Variants in EFNA5 observed in about 807,000 individuals in gnomAD.
EFNA5 encodes the protein ephrin A5.
In EFNA5, 5 loss-of-function variants were observed where a neutral mutation model predicts 22.9. The observed-to-expected ratio is 0.22, with a 90% CI of 0.11 to 0.46. The LOEUF (loss-of-function observed/expected upper bound fraction) is 0.46. Ranked by LOEUF, EFNA5 falls within the 20% of genes least tolerant of loss-of-function variation. The probability of loss-of-function intolerance (pLI) is 0.99; values close to 1 mark genes in which losing one functional copy is unlikely to be tolerated. For synonymous variants in EFNA5, 113 were observed against 112.2 expected (o/e 1.01, Z -0.04); for missense variants, 237 against 293.3 (o/e 0.81, Z 1.40).
chr5:107,445,549 G>C (rs780876478), intron 1 of EFNA5, among the ~76,000 whole-genome samples: 3 of 152,076 alleles, frequency 2.0e-5, no homozygotes, highest in Non-Finnish European at 4.4e-5. Flanking sequence ...TGGAGAAATC[G>C]CAAGATGCTC....
intron 1 of EFNA5, among the ~76,000 whole-genome samples, chr5:107,505,906 GAA>G (rs1273053731): frequency 4.0e-5 from 6 of 151,774 alleles, no homozygotes; most frequent in Non-Finnish European, 7.4e-5. Context: ...TTCCATTTGA[GAA>G]AACTGAAGCC....
intron 1 of EFNA5, among the ~76,000 whole-genome samples, chr5:107,428,192 T>C (rs1748854824): frequency 6.6e-6 from 1 of 152,230 alleles, no homozygotes; most frequent in Non-Finnish European, 1.5e-5. Flanking sequence ...ATCTGCTACG[T>C]CAGAAACTTA....
At chr5:107,454,771 G>A (rs1006519653) in intron 1 of EFNA5, among the ~76,000 whole-genome samples, 9 of 152,072 alleles carry the variant, frequency 5.9e-5, no homozygotes, top group African/African-American at 2.2e-4. Flanking sequence ...GATATAGGCA[G>A]GGAGGGAATG....
chr5:107,531,431 G>C (rs1199029454), intron 1 of EFNA5, among the ~76,000 whole-genome samples: 1 of 152,168 alleles, frequency 6.6e-6, no homozygotes, highest in African/African-American at 2.4e-5. Context: ...GGACAGATGA[G>C]GAATGCCTAA....
At chr5:107,491,373 G>A (rs754264470) in intron 1 of EFNA5, among the ~76,000 whole-genome samples, 35 of 152,222 alleles carry the variant, frequency 2.3e-4, no homozygotes, top group Admixed American at 5.9e-4. Flanking sequence ...GTGCAATGGC[G>A]TGATCTCAGC....
Position 107,387,242 on chromosome 5 carries a change from T to C in EFNA5, c.558A>G (p.Glu186=), listed in dbSNP as rs1417880883. 3.1e-6 allele frequency: 5 copies of C among 1,603,688 alleles called. No homozygotes were observed. The highest frequency in any genetic ancestry group is 4.3e-6 in the Non-Finnish European group (5 of 1,173,012). Residue 186 remains glutamate (E), a synonymous_variant, in exon 4 of 5, where the codon GAA becomes GAG. Transcript: ENST00000333274. ...TTCTCTAAGCATACTAACCTGCTGGTTCTAATGAATTTTCTACTTTGTCGT... is the reference window on the plus strand; with the variant it reads ...TTCTCTAAGCATACTAACCTGCTGGCTCTAATGAATTTTCTACTTTGTCGT... The part of the protein sequence containing the change: ...DVNDKVENSL[E]PADDTVHESA...
intron 1 of EFNA5, among the ~76,000 whole-genome samples, chr5:107,545,214 T>C (rs1002742745): frequency 6.6e-6 from 1 of 152,268 alleles, no homozygotes; most frequent in African/African-American, 2.4e-5. Context: ...GTATCAGGGC[T>C]TGGCCGAAGG....
At chr5:107,533,933 C>T (rs909317890) in intron 1 of EFNA5, among the ~76,000 whole-genome samples, 1 of 152,178 alleles carries the variant, frequency 6.6e-6, no homozygotes, top group African/African-American at 2.4e-5. Context: ...CCACACTTTA[C>T]CTTGGCTTTT....
intron 1 of EFNA5, among the ~76,000 whole-genome samples, chr5:107,552,577 T>G (rs1200716068): frequency 6.6e-6 from 1 of 152,236 alleles, no homozygotes; most frequent in Non-Finnish European, 1.5e-5. Context: ...TGGTGTCTAC[T>G]TAGAGCAGGG....
At chr5:107,633,744 A>G (rs1048067683) in intron 1 of EFNA5, among the ~76,000 whole-genome samples, 10 of 152,338 alleles carry the variant, frequency 6.6e-5, no homozygotes, top group South Asian at 2.1e-4. Context: ...ACATTCACCC[A>G]TGAACCTCCT....
intron 1 of EFNA5, among the ~76,000 whole-genome samples, chr5:107,432,093 G>C (rs977024957): frequency 2.0e-5 from 3 of 152,146 alleles, no homozygotes; most frequent in African/African-American, 7.2e-5. Context: ...TTGCAACAAG[G>C]TGTCCCAGCC....
chr5:107,405,483 G>A (rs565637705), intron 2 of EFNA5, among the ~76,000 whole-genome samples: 1 of 152,228 alleles, frequency 6.6e-6, no homozygotes, highest in Non-Finnish European at 1.5e-5. Flanking sequence ...AGGTGACTTT[G>A]TATCTATTTT....
chr5:107,475,731 G>T (rs1177385844), intron 1 of EFNA5, among the ~76,000 whole-genome samples: 1 of 151,774 alleles, frequency 6.6e-6, no homozygotes, highest in Admixed American at 6.6e-5. Context: ...TTTGTCTAGG[G>T]TATCCACAAT....
At chr5:107,605,228 A>G (rs1749689364) in intron 1 of EFNA5, among the ~76,000 whole-genome samples, 1 of 151,916 alleles carries the variant, frequency 6.6e-6, no homozygotes, top group Non-Finnish European at 1.5e-5. Flanking sequence ...CCTTCCCCCT[A>G]ATGCCTCTTA....
At chr5:107,490,706 C>T (rs1254489645) in intron 1 of EFNA5, among the ~76,000 whole-genome samples, 1 of 152,188 alleles carries the variant, frequency 6.6e-6, no homozygotes, top group African/African-American at 2.4e-5. Context: ...GTAAAGGACA[C>T]TGATACAGGT....
intron 1 of EFNA5, among the ~76,000 whole-genome samples, chr5:107,488,934 G>A (rs1157738276): frequency 6.6e-6 from 1 of 151,920 alleles, no homozygotes; most frequent in Non-Finnish European, 1.5e-5. Context: ...CTCACGATCC[G>A]CCTGCCTTCA....
chr5:107,592,028 TTA>T (rs1380450809), intron 1 of EFNA5, among the ~76,000 whole-genome samples: 11 of 68,454 alleles, frequency 1.6e-4, no homozygotes, highest in South Asian at 6.1e-4. Flanking sequence ...ATAATATATA[TTA>T]TATATTATAT....
At chr5:107,530,405 G>A (rs1214994713) in intron 1 of EFNA5, among the ~76,000 whole-genome samples, 3 of 152,164 alleles carry the variant, frequency 2.0e-5, no homozygotes, top group Non-Finnish European at 4.4e-5. Context: ...GGGTGGGGGA[G>A]TGTAATTCAA....
intron 1 of EFNA5, among the ~76,000 whole-genome samples, chr5:107,544,783 T>C (rs1748114234): frequency 6.6e-6 from 1 of 152,202 alleles, no homozygotes; most frequent in Non-Finnish European, 1.5e-5. Context: ...GAATGTCTTA[T>C]TCCAATCACA....
Sources: allele counts gnomAD v4.1 joint callset (sites outside exome capture counted in the v4.1 genomes callset), GRCh38; gene constraint gnomAD v4.1.1; transcripts MANE v1.5; gene names NCBI Gene and HGNC (gene_info 2026-07-23, HGNC 2026-07-21).